Variants in BANK1 observed in about 807,000 individuals in gnomAD.
BANK1 encodes the protein B cell scaffold protein with ankyrin repeats 1.
A neutral mutation model predicts 94.5 loss-of-function variants in BANK1; 95 were observed. The ratio of observed to expected loss-of-function variants is 1.00; its 90% confidence interval spans 0.85 to 1.19. The LOEUF is 1.19. Ranked by LOEUF, BANK1 falls within the 50% of genes most tolerant of loss-of-function variation. BANK1 has a pLI of 0.00. For missense variants in BANK1, 987 were observed against 932.2 expected (o/e 1.06, Z -0.77); for synonymous variants, 334 against 308.4 (o/e 1.08, Z -0.87).
chr4:102,026,822 CAAAAAAAAA>C (rs74429394), intron 9 of BANK1, among the ~76,000 whole-genome samples: 1 of 59,770 alleles, frequency 1.7e-5, no homozygotes, highest in African/African-American at 5.8e-5. Flanking sequence ...GACTCCATCT[CAAAAAAAAA>C]AAAAAAAAAA....
chr4:101,913,167 C>G (rs757728399), intron 6 of BANK1, among the ~76,000 whole-genome samples: 1 of 152,076 alleles, frequency 6.6e-6, no homozygotes, highest in Non-Finnish European at 1.5e-5. Context: ...CTTGTCTTGT[C>G]AAGACACAGC....
At chr4:101,966,634 A>C (rs1724770803) in intron 7 of BANK1, among the ~76,000 whole-genome samples, 1 of 152,080 alleles carries the variant, frequency 6.6e-6, no homozygotes, top group Admixed American at 6.6e-5. Flanking sequence ...ACCTTAAATT[A>C]TCGTTGACTA....
intron 7 of BANK1, among the ~76,000 whole-genome samples, chr4:101,973,843 T>C (rs910539184): frequency 5.9e-5 from 9 of 152,114 alleles, no homozygotes; most frequent in East Asian, 3.8e-4. Context: ...TTATAGTTGG[T>C]CCTTTTTTTA....
At chr4:101,972,468 C>T (rs1028803771) in intron 7 of BANK1, 1 of 151,990 alleles carries the variant, frequency 6.6e-6, no homozygotes, top group African/African-American at 2.4e-5. Context: ...ATGTAATATA[C>T]TAACACCTGA....
chr4:101,838,216 T>A (rs1460466310), intron 2 of BANK1, among the ~76,000 whole-genome samples: 2 of 152,066 alleles, frequency 1.3e-5, no homozygotes, highest in Non-Finnish European at 2.9e-5. Context: ...ACCTCGGCCT[T>A]CCAAAGTGGT....
At chr4:101,852,485 T>TATAC (rs1468374863) in intron 2 of BANK1, among the ~76,000 whole-genome samples, 4 of 108,864 alleles carry the variant, frequency 3.7e-5, no homozygotes, top group Admixed American at 9.0e-5. Flanking sequence ...TATATATATA[T>TATAC]ATATATATAT....
At position 102,074,402 on chromosome 4, in the gene BANK1, T is replaced by C. The variant is rs1728856917; in HGVS notation, c.*403T>C. The C allele has an allele frequency of 6.6e-6, 1 of 152,024 alleles. No individual in the cohort carries two copies. The highest frequency in any genetic ancestry group is 1.5e-5 in the Non-Finnish European group (1 of 67,886). The allele number at this position is 152,024 out of a possible 1,614,324, so 9.4% of individuals were successfully genotyped here. A position where few individuals can be genotyped will look rare whatever the true frequency, so the allele number is the denominator to read the frequency against. On this transcript the variant is annotated 3_prime_UTR_variant, in exon 17 of 17. Coordinates refer to ENST00000322953, the MANE Select transcript of BANK1 (RefSeq NM_017935.5). ...CCTCTCCTTAGAATAACCATGAAAA[T>C]ACAAATTTACTTAGCACATTTTTGC...
chr4:101,869,251 ATTTATC>A (rs1399036568), intron 4 of BANK1, among the ~76,000 whole-genome samples: 1 of 151,882 alleles, frequency 6.6e-6, no homozygotes, highest in Non-Finnish European at 1.5e-5. Flanking sequence ...TTAAATTTAA[ATTTATC>A]TTTATAAAAT....
Position 101,966,886 on chromosome 4 carries a change from A to G in BANK1, c.1206+48697A>G, listed in dbSNP as rs1016384491. 9.1e-4 allele frequency among the ~76,000 whole-genome samples: 138 copies of G among 152,216 alleles called. 1 individual carries two copies. The highest frequency in any genetic ancestry group is 3.2e-3 in the African/African-American group (131 of 41,558). On this transcript the variant is annotated intron_variant, in intron 7 of 16. Transcript: ENST00000322953. ...CCCACCCAAGGAGGCTGCTGAATAC[A>G]CAGCTTTTCTGTGACAAACTTTCTC...
chr4:102,029,835 C>A, intron 9 of BANK1, 125 bp from the exon 10 acceptor site: 1 of 823,824 alleles, frequency 1.2e-6, no homozygotes. Context: ...ACGAGCTCTT[C>A]TCTAATACTG....
At chr4:101,799,710 TA>T (rs1725289077) in intron 1 of BANK1, among the ~76,000 whole-genome samples, 1 of 151,864 alleles carries the variant, frequency 6.6e-6, no homozygotes, top group African/African-American at 2.4e-5. Flanking sequence ...CCATCTCTAC[TA>T]AAAACACAAA....
intron 11 of BANK1, among the ~76,000 whole-genome samples, chr4:102,044,799 T>C (rs1163744966): frequency 1.1e-4 from 10 of 94,648 alleles, no homozygotes; most frequent in Admixed American, 5.3e-4. Context: ...TGAGCATTTT[T>C]TCATGTGTTT....
chr4:101,999,306 A>T (rs1342121643), intron 7 of BANK1, among the ~76,000 whole-genome samples: 3 of 152,096 alleles, frequency 2.0e-5, no homozygotes, highest in African/African-American at 7.2e-5. Context: ...CTACACTTTG[A>T]TTCTTTGGCT....
chr4:101,934,925 C>T (rs1392131944), intron 7 of BANK1, among the ~76,000 whole-genome samples: 2 of 151,482 alleles, frequency 1.3e-5, no homozygotes, highest in Non-Finnish European at 3.0e-5. Context: ...AACTCTCTTG[C>T]TGAAATGTCA....
intron 6 of BANK1, among the ~76,000 whole-genome samples, chr4:101,912,682 A>T (rs934153765): frequency 7.3e-5 from 11 of 150,192 alleles, no homozygotes; most frequent in African/African-American, 2.4e-4. Context: ...TGAAATATGC[A>T]GGGCAGGTTG....
At chr4:101,908,719 A>G (rs376638406) in intron 6 of BANK1, among the ~76,000 whole-genome samples, 1 of 152,216 alleles carries the variant, frequency 6.6e-6, no homozygotes, top group Admixed American at 6.5e-5. Context: ...AGAAAAAAAC[A>G]AACAACCCCA....
intron 7 of BANK1, among the ~76,000 whole-genome samples, chr4:101,918,923 A>G (rs931117878): frequency 2.6e-5 from 4 of 151,974 alleles, no homozygotes; most frequent in South Asian, 4.1e-4. Flanking sequence ...TAAAATAAAT[A>G]TAGCACATGA....
intron 7 of BANK1, among the ~76,000 whole-genome samples, chr4:102,009,935 A>C (rs1166320486): frequency 1.3e-5 from 2 of 152,166 alleles, no homozygotes; most frequent in African/African-American, 4.8e-5. Flanking sequence ...GATATTGAGA[A>C]GATTCTGAGT....
intron 1 of BANK1, 79 bp downstream of exon 1, chr4:101,791,029 G>C: frequency 8.4e-7 from 1 of 1,196,126 alleles, no homozygotes. Context: ...GCCATCGTTA[G>C]ACAACTGCAC....
Sources: gnomAD v4.1 joint callset for allele counts (sites outside exome capture counted in the v4.1 genomes callset) on GRCh38, gnomAD v4.1.1 for gene constraint, MANE v1.5 for transcripts, NCBI Gene and HGNC (gene_info 2026-07-23, HGNC 2026-07-21) for gene names.